LBP: variants seen among roughly 807,000 people sequenced by gnomAD.
The protein encoded by LBP is lipopolysaccharide binding protein, also known as lipopolysaccharide-binding protein.
A neutral mutation model predicts 56.6 loss-of-function variants in LBP; 53 were observed. The observed-to-expected ratio is 0.94, with a 90% CI of 0.75 to 1.18. The LOEUF (loss-of-function observed/expected upper bound fraction) is 1.18, where lower values mean the gene tolerates loss of function less well. Among genes scored for constraint, LBP ranks in the 50% most tolerant of loss-of-function variants. The pLI, the probability that LBP is intolerant of heterozygous loss-of-function variation, is 0.00. For missense variants in LBP, 601 were observed against 598.3 expected (o/e 1.00, Z -0.05); for synonymous variants, 227 against 247.5 (o/e 0.92, Z 0.78).
At position 38,364,684 on chromosome 20, in the gene LBP, G is replaced by A; in HGVS notation, c.853G>A (p.Val285Ile). 6.2e-7 allele frequency: 1 copy of A among 1,614,096 alleles called. No homozygotes were observed. The highest frequency in any genetic ancestry group is 8.5e-7 in the Non-Finnish European group (1 of 1,180,016). The change falls in exon 8 of 15, where the codon GTC (valine) becomes ATC (isoleucine). Residue 285 changes from valine (V) to isoleucine (I), a missense_variant. Coordinates refer to ENST00000217407, the MANE Select transcript of LBP (RefSeq NM_004139.5). ...KMVYFAISDY[V>I]FNTASLVYHE... ...GGTCTACTTTGCCATCTCGGATTAT[G>A]TCTTCAACACGGCCAGCCTGGTTTA...
chr20:38,370,631 C>A, intron 10 of LBP, 107 bp from the exon 11 acceptor site: 2 of 978,170 alleles, frequency 2.0e-6, no homozygotes, highest in Non-Finnish European at 3.3e-6. Context: ...CCTGCTTTAG[C>A]TCATTGAGCT....
At chr20:38,375,345 G>A (rs977201118) in intron 14 of LBP, among the ~76,000 whole-genome samples, 1 of 151,722 alleles carries the variant, frequency 6.6e-6, no homozygotes, top group Non-Finnish European at 1.5e-5. Flanking sequence ...CACTTTGGGA[G>A]GCCAAGGCGG....
chr20:38,364,387 C>T (rs543380343), intron 7 of LBP, among the ~76,000 whole-genome samples, 189 bp from the exon 8 acceptor site: 157 of 152,268 alleles, frequency 1.0e-3, no homozygotes, highest in African/African-American at 3.4e-3. Flanking sequence ...CTGGCCAGGA[C>T]TTCCTGTGGG....
chr20:38,364,201 T>TA (rs2076872400), intron 7 of LBP, 135 bp downstream of exon 7: 2 of 668,986 alleles, frequency 3.0e-6, no homozygotes, highest in Non-Finnish European at 2.7e-6. Flanking sequence ...GGCCGGGTGA[T>TA]ATGGAGTGGT....
At chr20:38,351,813 G>C (rs1422810620) in intron 3 of LBP, among the ~76,000 whole-genome samples, 2 of 152,124 alleles carry the variant, frequency 1.3e-5, no homozygotes, top group Non-Finnish European at 2.9e-5. Context: ...TTGAGGTCAG[G>C]AGTTCAAGAC....
chr20:38,356,905 G>C (rs1328501813), intron 5 of LBP, among the ~76,000 whole-genome samples: 2 of 151,954 alleles, frequency 1.3e-5, no homozygotes, highest in African/African-American at 4.8e-5. Flanking sequence ...GCCCAGGCTG[G>C]AGTGCAGTGG....
At chr20:38,362,918 A>C (rs2076866469) in intron 6 of LBP, among the ~76,000 whole-genome samples, 1 of 152,246 alleles carries the variant, frequency 6.6e-6, no homozygotes, top group Admixed American at 6.5e-5. Flanking sequence ...ACTGCACTCC[A>C]GCCTGGGCCA....
At chr20:38,346,923 C>T (rs530959256) in intron 1 of LBP, among the ~76,000 whole-genome samples, 16 of 152,062 alleles carry the variant, frequency 1.1e-4, no homozygotes, top group Non-Finnish European at 1.8e-4. Context: ...TGTAGGGAAT[C>T]GGTACTGAGA....
intron 9 of LBP, among the ~76,000 whole-genome samples, chr20:38,368,010 A>T (rs570943164): frequency 6.6e-6 from 1 of 152,200 alleles, no homozygotes; most frequent in African/African-American, 2.4e-5. Flanking sequence ...TGGACAACAT[A>T]GCAAAACCCT....
chr20:38,374,247 C>T (rs567108671), intron 14 of LBP, among the ~76,000 whole-genome samples: 3 of 152,310 alleles, frequency 2.0e-5, no homozygotes, highest in South Asian at 2.1e-4. Context: ...CCTATGCCAC[C>T]ACCACATCCC....
In LBP at chr20:38,372,171, T is replaced by G. The variant is rs2076903000; in HGVS notation, c.1260+849T>G. Among the ~76,000 whole-genome samples the G allele has an allele frequency of 2.0e-5, 3 of 152,200 alleles. No homozygotes were observed. The South Asian group carries it at 6.2e-4, about 31-fold the overall frequency. On this transcript the variant is annotated intron_variant, in intron 12 of 14. Coordinates refer to ENST00000217407, the MANE Select transcript of LBP (RefSeq NM_004139.5). ...TGGGCCAAAGTTATGGAGAAGAGCT[T>G]TCTGGAAAGAGGGAAGGAGGAGCTG...
At position 38,373,918 on chromosome 20, in the gene LBP, G is replaced by A. The variant is rs764490103; in HGVS notation, c.1325-19G>A. On this transcript the variant is annotated intron_variant, in intron 13 of 14. Transcript: ENST00000217407. ...TATTTATTCACCAATCTCTTTCAAT[G>A]TTGTGCTTCAACCTCTAGATAAGTT... is the stretch of plus-strand genomic sequence containing the variant. The A allele has an allele frequency of 6.2e-7, 1 of 1,609,448 alleles. No homozygotes were observed. Among genetic ancestry groups the A allele is most frequent in the South Asian group, 1.1e-5 (1 of 90,978 alleles).
At position 38,349,974 on chromosome 20, in the gene LBP, G is replaced by A. The variant is rs530682730; in HGVS notation, c.239+312G>A. 1.4e-3 allele frequency among the ~76,000 whole-genome samples: 210 copies of A among 152,232 alleles called. 1 individual carries two copies. Among genetic ancestry groups the A allele is most frequent in the African/African-American group, 4.6e-3 (192 of 41,528 alleles). Reference sequence around the variant, plus strand: ...CATCCAAGATCCAATCTGGCCACTAGATATAGTTTGGAAGAGAAGATAGAC... The same window carrying A: ...CATCCAAGATCCAATCTGGCCACTAAATATAGTTTGGAAGAGAAGATAGAC... On this transcript the variant is annotated intron_variant, in intron 2 of 14. Coordinates refer to ENST00000217407, the MANE Select transcript of LBP (RefSeq NM_004139.5).
intron 1 of LBP, among the ~76,000 whole-genome samples, chr20:38,348,522 AG>A (rs1439334720): frequency 1.3e-5 from 2 of 152,140 alleles, no homozygotes; most frequent in Admixed American, 1.3e-4. Flanking sequence ...TATGTTGGCC[AG>A]GATGGTCTCG....
intron 8 of LBP, 67 bp downstream of exon 8, chr20:38,364,819 T>C: frequency 7.0e-7 from 1 of 1,418,676 alleles, no homozygotes. Flanking sequence ...TTCTTTCCTT[T>C]TCACCCCTGT....
At chr20:38,371,029 A>C (rs5741819) in intron 11 of LBP, among the ~76,000 whole-genome samples, 26,345 of 152,212 alleles carry the variant, frequency 0.17, 3,349 homozygotes, top group African/African-American at 0.36. Context: ...GAATTTTAGA[A>C]GCCAGCTATA....
chr20:38,348,782 A>AGTTTT (rs1397467873), intron 1 of LBP, among the ~76,000 whole-genome samples: 1,400 of 131,148 alleles, frequency 0.011, 17 homozygotes, highest in African/African-American at 0.039. Context: ...AGTTTAGTTT[A>AGTTTT]GTTTAGTTTT....
At chr20:38,366,024 A>C (rs1299957132) in intron 8 of LBP, among the ~76,000 whole-genome samples, 1 of 152,162 alleles carries the variant, frequency 6.6e-6, no homozygotes, top group Non-Finnish European at 1.5e-5. Context: ...ACTGAATTTT[A>C]CAGTGGATCT....
chr20:38,346,740 C>A, intron 1 of LBP, 100 bp downstream of exon 1: 1 of 1,513,760 alleles, frequency 6.6e-7, no homozygotes, highest in African/African-American at 1.4e-5. Flanking sequence ...CGGACCCTCT[C>A]CCTGGGGCAG....
Sources: gnomAD v4.1 joint callset for allele counts (sites outside exome capture counted in the v4.1 genomes callset) on GRCh38, gnomAD v4.1.1 for gene constraint, MANE v1.5 for transcripts, NCBI Gene and HGNC (gene_info 2026-07-23, HGNC 2026-07-21) for gene names.